NFIB: variants seen among roughly 807,000 people sequenced by gnomAD.
The protein encoded by NFIB is nuclear factor 1 B-type.
Under a neutral mutation model 61.5 loss-of-function variants are expected in NFIB, and 11 were observed. The observed-to-expected ratio is 0.18, with a 90% CI of 0.11 to 0.30. NFIB has a LOEUF of 0.30. NFIB is among the 10% of genes least tolerant of loss of function. The probability of loss-of-function intolerance (pLI) is 1.00; values close to 1 mark genes in which losing one functional copy is unlikely to be tolerated. For synonymous variants in NFIB, 260 were observed against 216.5 expected (o/e 1.20, Z -1.76); for missense variants, 471 against 608.9 (o/e 0.77, Z 2.38).
the NFIB span, among the ~76,000 whole-genome samples, chr9:14,503,792 A>G: frequency 2.0e-5 from 3 of 151,958 alleles, no homozygotes; most frequent in African/African-American, 7.2e-5. Flanking sequence ...ACTGCTGACT[A>G]TTTCTTTCGC....
At chr9:14,411,596 A>C in the NFIB span, among the ~76,000 whole-genome samples, 1 of 152,180 alleles carries the variant, frequency 6.6e-6, no homozygotes, top group Admixed American at 6.5e-5. Context: ...GAGCTACTGC[A>C]AATCTTCATG....
chr9:14,199,323 G>A (rs1031807972), intron 2 of NFIB, among the ~76,000 whole-genome samples: 3 of 152,170 alleles, frequency 2.0e-5, no homozygotes, highest in Non-Finnish European at 2.9e-5. Context: ...GCAGTAGTGC[G>A]GCAGGGTGAA....
At chr9:14,207,590 C>T (rs926159092) in intron 2 of NFIB, among the ~76,000 whole-genome samples, 1 of 152,208 alleles carries the variant, frequency 6.6e-6, no homozygotes, top group Non-Finnish European at 1.5e-5. Flanking sequence ...CATGTGACAC[C>T]AGACACCATT....
At chr9:14,261,612 G>C (rs990038434) in intron 2 of NFIB, among the ~76,000 whole-genome samples, 1 of 152,146 alleles carries the variant, frequency 6.6e-6, no homozygotes, top group Non-Finnish European at 1.5e-5. Flanking sequence ...TATCCCAATG[G>C]GGTACAGATG....
At chr9:14,483,454 A>G in the NFIB span, among the ~76,000 whole-genome samples, 1 of 152,332 alleles carries the variant, frequency 6.6e-6, no homozygotes, top group Non-Finnish European at 1.5e-5. Flanking sequence ...GGCACATTTC[A>G]GGACGCTTCC....
intron 6 of NFIB, among the ~76,000 whole-genome samples, chr9:14,144,548 T>C (rs530826677): frequency 1.1e-4 from 16 of 152,348 alleles, no homozygotes. Flanking sequence ...GGTTCATTTA[T>C]ACAACTACTT....
At chr9:14,113,990 A>G (rs139079428) in intron 9 of NFIB, among the ~76,000 whole-genome samples, 28 of 152,288 alleles carry the variant, frequency 1.8e-4, no homozygotes, top group African/African-American at 6.5e-4. Flanking sequence ...GAACTAGGCA[A>G]TCCCACTGCT....
chr9:14,279,922 G>C (rs578024381), intron 2 of NFIB, among the ~76,000 whole-genome samples: 1 of 152,232 alleles, frequency 6.6e-6, no homozygotes, highest in Non-Finnish European at 1.5e-5. Flanking sequence ...TTCGTGCTTT[G>C]ATTAAAGCAC....
intron 2 of NFIB, among the ~76,000 whole-genome samples, chr9:14,185,496 G>A (rs568133360): frequency 6.6e-6 from 1 of 152,236 alleles, no homozygotes; most frequent in African/African-American, 2.4e-5. Flanking sequence ...TGTGCATAAT[G>A]TTCCCCCTTT....
At chr9:14,353,803 C>T (rs543452684) in intron 1 of NFIB, among the ~76,000 whole-genome samples, 2 of 151,076 alleles carry the variant, frequency 1.3e-5, no homozygotes, top group Admixed American at 1.3e-4. Flanking sequence ...TTGCTTTGTC[C>T]GTTCTAGAGT....
chr9:14,372,284 C>A (rs1247597235), intron 1 of NFIB, among the ~76,000 whole-genome samples: 4 of 152,074 alleles, frequency 2.6e-5, no homozygotes, highest in Admixed American at 1.3e-4. Context: ...CTGGTACTAA[C>A]CAACCTAAAA....
rs778914837 is a variant in NFIB, at chr9:14,182,708, C to CTCTCTCTGTGTG, written c.563-2929_563-2928insCACACAGAGAGA. Among the ~76,000 whole-genome samples, 204 of 96,994 alleles carry CTCTCTCTGTGTG rather than the reference C, an allele frequency of 2.1e-3. 1 individual carries two copies. The highest frequency in any genetic ancestry group is 5.8e-3 in the African/African-American group (131 of 22,752). The allele number at this position is 96,994 out of a possible 152,430, so 63.6% of individuals were successfully genotyped here. A position where few individuals can be genotyped will look rare whatever the true frequency, so the allele number is the denominator to read the frequency against. ...CCTCTCTCTCTCTCTCTCTCTCTCT[C>CTCTCTCTGTGTG]TGTGTGTGTGTGTGTGTGTGTGTGT... On this transcript the variant is annotated intron_variant, in intron 2 of 10. Transcript: ENST00000380953.
intron 1 of NFIB, among the ~76,000 whole-genome samples, chr9:14,371,142 A>AAC (rs1475082162): frequency 2.0e-5 from 3 of 149,834 alleles, no homozygotes; most frequent in Admixed American, 1.3e-4. Flanking sequence ...AACAAACAAA[A>AAC]ACACACACAC....
intron 10 of NFIB, among the ~76,000 whole-genome samples, chr9:14,108,816 G>T (rs1172351283): frequency 6.6e-6 from 1 of 152,060 alleles, no homozygotes; most frequent in Non-Finnish European, 1.5e-5. Flanking sequence ...GCAAAAGTGA[G>T]CTCCTAATTT....
intron 2 of NFIB, among the ~76,000 whole-genome samples, chr9:14,281,610 T>C (rs2058372859): frequency 3.9e-5 from 6 of 152,226 alleles, no homozygotes. Context: ...TTGTTGGCTT[T>C]TGACTCTGTC....
intron 2 of NFIB, among the ~76,000 whole-genome samples, chr9:14,205,421 A>G (rs775898744): frequency 4.6e-5 from 7 of 151,744 alleles, no homozygotes; most frequent in Non-Finnish European, 8.8e-5. Context: ...CTTCATAAGT[A>G]CACCTTCATA....
chr9:14,344,104 G>A (rs994096294), intron 1 of NFIB, among the ~76,000 whole-genome samples: 7 of 133,456 alleles, frequency 5.2e-5, no homozygotes, highest in African/African-American at 1.1e-4. Flanking sequence ...GAGAGAGAGA[G>A]AGAAAGAGAG....
chr9:14,306,925 C>T, intron 2 of NFIB, 64 bp downstream of exon 2: 6 of 1,573,958 alleles, frequency 3.8e-6, no homozygotes, highest in Non-Finnish European at 5.2e-6. Context: ...AAGCCAGATA[C>T]TCTGTCTACG....
At chr9:14,285,794 T>C (rs2058671147) in intron 2 of NFIB, among the ~76,000 whole-genome samples, 1 of 152,142 alleles carries the variant, frequency 6.6e-6, no homozygotes, top group Admixed American at 6.5e-5. Context: ...GCACCACAGC[T>C]AGAAAATCCT....
Sources: gnomAD v4.1 joint callset for allele counts (sites outside exome capture counted in the v4.1 genomes callset) on GRCh38, gnomAD v4.1.1 for gene constraint, MANE v1.5 for transcripts, NCBI Gene and HGNC (gene_info 2026-07-23, HGNC 2026-07-21) for gene names.